The following EGFLAM variants were observed in gnomAD, a reference collection of about 807,000 sequenced individuals.
The protein encoded by EGFLAM is EGF like, fibronectin type III and laminin G domains.
In EGFLAM, 79 loss-of-function variants were observed where a neutral mutation model predicts 113.1. That is an observed-to-expected ratio of 0.70 (90% CI 0.58 to 0.84). EGFLAM has a LOEUF of 0.84. Among genes scored for constraint, EGFLAM ranks in the 40% least tolerant of loss-of-function variants. The probability of loss-of-function intolerance (pLI) is 0.00; values close to 1 mark genes in which losing one functional copy is unlikely to be tolerated. For synonymous variants in EGFLAM, 504 were observed against 487.6 expected (o/e 1.03, Z -0.44); for missense variants, 1,265 against 1,291.6 (o/e 0.98, Z 0.32).
intron 19 of EGFLAM, among the ~76,000 whole-genome samples, chr5:38,457,278 A>G (rs1223503961): frequency 6.6e-6 from 1 of 152,206 alleles, no homozygotes; most frequent in Non-Finnish European, 1.5e-5. Context: ...GGCTCTGATA[A>G]TACATGACCA....
chr5:38,358,703 G>C (rs573255695), intron 5 of EGFLAM, among the ~76,000 whole-genome samples: 2 of 152,052 alleles, frequency 1.3e-5, no homozygotes, highest in Non-Finnish European at 2.9e-5. Context: ...TTGGTCTCAG[G>C]ACCAGGCAGA....
At chr5:38,424,505 C>T (rs1296610431) in intron 12 of EGFLAM, among the ~76,000 whole-genome samples, 1 of 152,216 alleles carries the variant, frequency 6.6e-6, no homozygotes, top group Non-Finnish European at 1.5e-5. Flanking sequence ...TCTGTGCCTA[C>T]CTTGCTTGTC....
At chr5:38,397,858 G>A (rs530001165) in intron 6 of EGFLAM, among the ~76,000 whole-genome samples, 1 of 152,306 alleles carries the variant, frequency 6.6e-6, no homozygotes, top group Non-Finnish European at 1.5e-5. Flanking sequence ...GCAGAAGCAG[G>A]TGAGAGAGGA....
intron 13 of EGFLAM, among the ~76,000 whole-genome samples, chr5:38,426,106 A>G (rs374256805): frequency 1.6e-3 from 138 of 87,786 alleles, no homozygotes; most frequent in African/African-American, 7.9e-3. Flanking sequence ...CCATCTTGGG[A>G]AAAAAAAAAA....
intron 10 of EGFLAM, among the ~76,000 whole-genome samples, chr5:38,411,483 CTTTTTTTTT>C (rs759299989): frequency 6.2e-5 from 7 of 113,422 alleles, no homozygotes; most frequent in Non-Finnish European, 1.2e-4. Flanking sequence ...TCATTAATTT[CTTTTTTTTT>C]TTTTTTTTTT....
At chr5:38,260,576 A>G (rs976520131) in intron 1 of EGFLAM, among the ~76,000 whole-genome samples, 1 of 152,198 alleles carries the variant, frequency 6.6e-6, no homozygotes, top group East Asian at 1.9e-4. Context: ...TGAAGCATAG[A>G]TAGGGTTTTG....
In EGFLAM at chr5:38,386,504, A is replaced by AT. The variant is rs532645708; in HGVS notation, c.712+16050dup. 4.2e-3 allele frequency among the ~76,000 whole-genome samples: 637 copies of AT among 150,776 alleles called. 4 individuals are homozygous for AT. The highest frequency in any genetic ancestry group is 4.4e-3 in the Non-Finnish European group (296 of 67,722). On this transcript the variant is annotated intron_variant, in intron 6 of 21. Transcript: ENST00000322350. The stretch of plus-strand genomic sequence containing the variant: ...CACTGCGCCCAGCCCACAAATACTT[A>AT]TTTTTTTTATTTTTATTTTTTAAGA...
chr5:38,262,486 T>C (rs115185410), intron 1 of EGFLAM, among the ~76,000 whole-genome samples: 190 of 152,312 alleles, frequency 1.2e-3, no homozygotes, highest in African/African-American at 4.3e-3. Context: ...CATCCTTAAA[T>C]ATTACCTTGT....
chr5:38,398,986 A>G (rs1741033744), intron 6 of EGFLAM, among the ~76,000 whole-genome samples: 1 of 152,234 alleles, frequency 6.6e-6, no homozygotes, highest in Admixed American at 6.5e-5. Flanking sequence ...GAAGATGATA[A>G]GGATGAAGAT....
intron 1 of EGFLAM, among the ~76,000 whole-genome samples, chr5:38,302,637 C>T (rs1758614935): frequency 6.6e-6 from 1 of 150,826 alleles, no homozygotes; most frequent in Non-Finnish European, 1.5e-5. Context: ...TTCAGAAGCA[C>T]TTCCGCACAC....
chr5:38,321,233 T>C (rs1253034717), intron 1 of EGFLAM, among the ~76,000 whole-genome samples: 1 of 152,158 alleles, frequency 6.6e-6, no homozygotes, highest in Admixed American at 6.5e-5. Flanking sequence ...GTGCACAACC[T>C]AGATTCCTTA....
At chr5:38,290,017 G>A (rs1758273446) in intron 1 of EGFLAM, among the ~76,000 whole-genome samples, 2 of 152,200 alleles carry the variant, frequency 1.3e-5, no homozygotes, top group African/African-American at 4.8e-5. Context: ...TATTCAGGTG[G>A]ACATTATTAC....
chr5:38,390,098 C>T (rs1740773189), intron 6 of EGFLAM, among the ~76,000 whole-genome samples: 1 of 152,098 alleles, frequency 6.6e-6, no homozygotes, highest in Non-Finnish European at 1.5e-5. Context: ...ACAGGGGCAG[C>T]CCCTGAGTAC....
chr5:38,400,430 C>A (rs1259344078), intron 6 of EGFLAM, among the ~76,000 whole-genome samples: 1 of 152,108 alleles, frequency 6.6e-6, no homozygotes, highest in Non-Finnish European at 1.5e-5. Flanking sequence ...TCCTAATTAA[C>A]AAAGTACCAA....
chr5:38,320,211 C>T lies in EGFLAM; in HGVS notation c.98-17309C>T, dbSNP rs534884188. ...ACTAGCTTCTCTGAGTTTTAATTTT[C>T]CCATCATTAAAATCTGATATTAGAC... On this transcript the variant is annotated intron_variant, in intron 1 of 21. Coordinates refer to ENST00000322350, the MANE Select transcript of EGFLAM (RefSeq NM_152403.4). Among the ~76,000 whole-genome samples, 5 of 152,304 alleles carry T rather than the reference C, an allele frequency of 3.3e-5. No individual in the cohort carries two copies. The South Asian group carries it at 1.0e-3, about 32-fold the overall frequency.
chr5:38,461,325 C>T (rs1405101386), intron 20 of EGFLAM: 1 of 152,066 alleles, frequency 6.6e-6, no homozygotes, highest in African/African-American at 2.4e-5. Flanking sequence ...TAATGGGAAG[C>T]AACAGACAAT....
intron 1 of EGFLAM, among the ~76,000 whole-genome samples, chr5:38,315,800 G>A (rs1341458854): frequency 6.6e-6 from 1 of 152,190 alleles, no homozygotes; most frequent in African/African-American, 2.4e-5. Context: ...CACAGGCCGG[G>A]CATGGTGGCT....
Position 38,423,145 on chromosome 5 carries a change from C to A in EGFLAM, c.1685-1822C>A, listed in dbSNP as rs143617666. 5.0e-3 allele frequency among the ~76,000 whole-genome samples: 757 copies of A among 152,314 alleles called. 4 individuals carry two copies. The highest frequency in any genetic ancestry group is 0.011 in the Admixed American group (165 of 15,310). On this transcript the variant is annotated intron_variant, in intron 12 of 21. Coordinates refer to ENST00000322350, the MANE Select transcript of EGFLAM (RefSeq NM_152403.4). ...AGCCACTCTCATTTCTTCCCTCCTG[C>A]ACCATTATTTTAGTCTTTCAAGCTA...
chr5:38,423,322 T>C (rs1369398840), intron 12 of EGFLAM, among the ~76,000 whole-genome samples: 5 of 152,082 alleles, frequency 3.3e-5, no homozygotes, highest in Non-Finnish European at 5.9e-5. Context: ...TTTTTTCATC[T>C]CCTCCACTCC....
Sources: gnomAD v4.1 joint callset for allele counts (sites outside exome capture counted in the v4.1 genomes callset) on GRCh38, gnomAD v4.1.1 for gene constraint, MANE v1.5 for transcripts, NCBI Gene and HGNC (gene_info 2026-07-23, HGNC 2026-07-21) for gene names.